NLK: variants seen among roughly 807,000 people sequenced by gnomAD.
NLK encodes serine/threonine-protein kinase NLK.
A neutral mutation model predicts 59.0 loss-of-function variants in NLK; 11 were observed. That is an observed-to-expected ratio of 0.19 (90% CI 0.12 to 0.31). The LOEUF (loss-of-function observed/expected upper bound fraction) is 0.31. Among genes scored for constraint, NLK ranks in the 10% least tolerant of loss-of-function variants. NLK has a pLI of 1.00. For missense variants in NLK, 410 were observed against 661.1 expected, an observed-to-expected ratio of 0.62 and a Z score of 4.16; for synonymous variants, 235 against 235.9, an observed-to-expected ratio of 1.00 and a Z score of 0.03.
chr17:28,181,314 G>C (rs1462111039), intron 7 of NLK, among the ~76,000 whole-genome samples: 1 of 152,014 alleles, frequency 6.6e-6, no homozygotes, highest in Non-Finnish European at 1.5e-5. Context: ...CAGGAGAATC[G>C]CTTCAACCTG....
At chr17:28,185,025 G>A (rs1909062017) in intron 7 of NLK, among the ~76,000 whole-genome samples, 154 bp from the exon 8 acceptor site, 1 of 152,182 alleles carries the variant, frequency 6.6e-6, no homozygotes, top group Non-Finnish European at 1.5e-5. Context: ...TGTTGCTTTT[G>A]AAGACTGGTT....
intron 1 of NLK, among the ~76,000 whole-genome samples, chr17:28,050,457 A>T (rs934460170): frequency 4.6e-5 from 7 of 152,192 alleles, no homozygotes; most frequent in African/African-American, 1.4e-4. Context: ...TAAACAGTTA[A>T]ATAGCATATC....
chr17:28,070,200 C>T (rs902751014), intron 1 of NLK, among the ~76,000 whole-genome samples: 35 of 151,626 alleles, frequency 2.3e-4, no homozygotes, highest in African/African-American at 7.0e-4. Context: ...CGCACCACCG[C>T]GCTCCAGCCT....
intron 1 of NLK, among the ~76,000 whole-genome samples, chr17:28,108,949 A>T (rs1172451938): frequency 6.6e-6 from 1 of 152,070 alleles, no homozygotes; most frequent in Non-Finnish European, 1.5e-5. Context: ...TGGGCGGATC[A>T]TGAGGTCAGG....
intron 1 of NLK, among the ~76,000 whole-genome samples, chr17:28,080,088 T>C (rs1910295462): frequency 6.6e-6 from 1 of 152,226 alleles, no homozygotes; most frequent in Non-Finnish European, 1.5e-5. Flanking sequence ...ACTTCAGATC[T>C]ACAAACTGCT....
intron 1 of NLK, among the ~76,000 whole-genome samples, chr17:28,073,977 T>C (rs1353152374): frequency 3.3e-5 from 5 of 152,248 alleles, no homozygotes; most frequent in African/African-American, 1.2e-4. Context: ...TCTTGAAATT[T>C]TAAGCTTCTA....
intron 5 of NLK, among the ~76,000 whole-genome samples, chr17:28,167,138 C>G (rs1183166805): frequency 1.3e-5 from 2 of 152,178 alleles, no homozygotes; most frequent in East Asian, 1.9e-4. Flanking sequence ...ACGACAGACA[C>G]AGTCTCAGCT....
intron 1 of NLK, among the ~76,000 whole-genome samples, chr17:28,093,625 T>A (rs1904591147): frequency 1.3e-5 from 2 of 152,294 alleles, no homozygotes; most frequent in South Asian, 4.2e-4. Context: ...CCAAAAGACT[T>A]TAATCCAATC....
intron 3 of NLK, among the ~76,000 whole-genome samples, chr17:28,151,246 T>A (rs1907468087): frequency 6.6e-6 from 1 of 152,290 alleles, no homozygotes; most frequent in Non-Finnish European, 1.5e-5. Flanking sequence ...GACATTATGC[T>A]GGGGATTGAG....
intron 1 of NLK, among the ~76,000 whole-genome samples, chr17:28,094,353 G>C (rs1299462679): frequency 6.6e-6 from 1 of 152,170 alleles, no homozygotes; most frequent in Non-Finnish European, 1.5e-5. Flanking sequence ...CAATAAGGCT[G>C]CCTTTCTCTT....
chr17:28,193,405 G>A (rs975352307), intron 10 of NLK, among the ~76,000 whole-genome samples: 3 of 152,268 alleles, frequency 2.0e-5, no homozygotes. Context: ...CTGCCTGCCA[G>A]GAGAGTTCGG....
chr17:28,104,061 AG>A (rs1239852794), intron 1 of NLK, among the ~76,000 whole-genome samples: 1 of 152,250 alleles, frequency 6.6e-6, no homozygotes, highest in African/African-American at 2.4e-5. Flanking sequence ...AGAACAGAGT[AG>A]GGATTTTGAG....
downstream of NLK, among the ~76,000 whole-genome samples, chr17:28,198,850 A>T (rs939309391): frequency 5.9e-5 from 9 of 152,222 alleles, no homozygotes; most frequent in Non-Finnish European, 1.3e-4. Flanking sequence ...ACTGTCAGGT[A>T]ATCCATCAAT....
chr17:28,200,972 C>G (rs952388602), downstream of NLK, among the ~76,000 whole-genome samples: 2 of 152,214 alleles, frequency 1.3e-5, no homozygotes, highest in African/African-American at 4.8e-5. Flanking sequence ...ATTCAGTTGC[C>G]TTTGCACTTT....
intron 1 of NLK, among the ~76,000 whole-genome samples, chr17:28,074,496 T>C (rs1351446215): frequency 2.0e-5 from 3 of 152,170 alleles, no homozygotes; most frequent in African/African-American, 7.2e-5. Context: ...GATTACTTTG[T>C]GTGTGTTGGG....
In NLK at chr17:28,168,513, T is replaced by C. The variant is rs368756023; in HGVS notation, c.903T>C (p.Val301=). 8.5e-5 allele frequency: 137 copies of C among 1,613,694 alleles called. No individual in the cohort carries two copies. Among genetic ancestry groups the C allele is most frequent in the Non-Finnish European group, 1.1e-4 (124 of 1,179,748 alleles). The stretch of plus-strand genomic sequence containing the variant: ...AATCCCGTCATATGACTCAGGAAGT[T>C]GTTACTCAGTATTATCGGGCTCCAG... The part of the protein sequence containing the change: ...LDESRHMTQE[V]VTQYYRAPEI... Residue 301 remains valine (V), a synonymous_variant, in exon 6 of 11, where the codon GTT becomes GTC. Transcript: ENST00000407008.
chr17:28,116,852 T>C (rs964735838), intron 1 of NLK, among the ~76,000 whole-genome samples: 2 of 152,244 alleles, frequency 1.3e-5, no homozygotes, highest in Non-Finnish European at 2.9e-5. Flanking sequence ...TTGTGTGACA[T>C]ATTTTCAGTT....
chr17:28,121,200 A>G (rs142149315), intron 1 of NLK, among the ~76,000 whole-genome samples: 2 of 147,634 alleles, frequency 1.4e-5, no homozygotes, highest in African/African-American at 5.3e-5. Context: ...CAGAGGCATG[A>G]GCCACTGAGC....
At chr17:28,119,357 C>T (rs948271282) in intron 1 of NLK, among the ~76,000 whole-genome samples, 2 of 152,142 alleles carry the variant, frequency 1.3e-5, no homozygotes, top group Admixed American at 1.3e-4. Context: ...TAAAATGCTG[C>T]TTTGTGAATT....
Sources: gnomAD v4.1 joint callset for allele counts (sites outside exome capture counted in the v4.1 genomes callset) on GRCh38, gnomAD v4.1.1 for gene constraint, MANE v1.5 for transcripts, NCBI Gene and HGNC (gene_info 2026-07-23, HGNC 2026-07-21) for gene names.